VPS13D: variants seen among roughly 807,000 people sequenced by gnomAD.
VPS13D encodes intermembrane lipid transfer protein VPS13D.
In VPS13D, 187 loss-of-function variants were observed where a neutral mutation model predicts 461.9. The ratio of observed to expected loss-of-function variants is 0.40; its 90% CI spans 0.36 to 0.46. VPS13D has a LOEUF of 0.46. Among genes scored for constraint, VPS13D ranks in the 20% least tolerant of loss-of-function variants. The pLI is 0.60. For missense variants in VPS13D, 4,711 were observed against 5,364.9 expected (o/e 0.88, Z 3.81); for synonymous variants, 1,951 against 1,986.3 (o/e 0.98, Z 0.47).
intron 67 of VPS13D, among the ~76,000 whole-genome samples, chr1:12,492,688 G>A (rs190289057): frequency 6.6e-6 from 1 of 152,318 alleles, no homozygotes; most frequent in Non-Finnish European, 1.5e-5. Flanking sequence ...GTACAGGAAT[G>A]TTCATAATAG....
Position 12,299,137 on chromosome 1 carries a change from A to T in VPS13D, c.6034-65A>T. 3.4e-6 allele frequency: 5 copies of T among 1,465,240 alleles called. No homozygotes were observed. Among genetic ancestry groups the T allele is most frequent in the Non-Finnish European group, 4.5e-6 (5 of 1,099,232 alleles). 90.8% of individuals were successfully genotyped at this position (1,465,240 alleles called of 1,614,324 possible). A position where few individuals can be genotyped will look rare whatever the true frequency, so the allele number is the denominator to read the frequency against. On this transcript the variant is annotated intron_variant, in intron 24 of 69. Transcript: ENST00000620676. The surrounding 1 kb of genome is among the most constrained non-coding windows in gnomAD (Gnocchi z 4.2). ...AACTCACGAAACTTTTGGGAACCTG[A>T]GGTTATTTGGTGGTAAAATTAGGGA... is the stretch of plus-strand genomic sequence containing the variant.
At chr1:12,375,513 C>T (rs1400049062) in intron 55 of VPS13D, among the ~76,000 whole-genome samples, 1 of 152,146 alleles carries the variant, frequency 6.6e-6, no homozygotes, top group Non-Finnish European at 1.5e-5. Context: ...TTTGTACTTC[C>T]CTTGTCCAGC....
chr1:12,489,443 A>G (rs972889112), intron 67 of VPS13D, among the ~76,000 whole-genome samples: 4 of 152,268 alleles, frequency 2.6e-5, no homozygotes, highest in African/African-American at 9.6e-5. Context: ...TGATTTCTTG[A>G]ATCAACATCT....
chr1:12,233,853 G>A (rs921217923), intron 1 of VPS13D, among the ~76,000 whole-genome samples: 14 of 152,024 alleles, frequency 9.2e-5, no homozygotes, highest in African/African-American at 3.1e-4. Flanking sequence ...TTTGGGACAG[G>A]CTGGTCAACA....
intron 66 of VPS13D, among the ~76,000 whole-genome samples, chr1:12,458,940 T>C (rs922053336): frequency 7.2e-5 from 11 of 152,238 alleles, no homozygotes; most frequent in African/African-American, 2.4e-4. Flanking sequence ...ACTGACTCCA[T>C]TGAGGGTCCC....
chr1:12,399,105 G>A (rs1396489899), intron 60 of VPS13D, among the ~76,000 whole-genome samples: 2 of 152,192 alleles, frequency 1.3e-5, no homozygotes, highest in East Asian at 1.9e-4. Context: ...ATGGAGCTTC[G>A]CACATAGTAT....
intron 65 of VPS13D, among the ~76,000 whole-genome samples, chr1:12,447,035 G>A (rs902237306): frequency 6.6e-6 from 1 of 152,194 alleles, no homozygotes; most frequent in Non-Finnish European, 1.5e-5. Context: ...TGGGCCAGGT[G>A]TCTGAGTTAC....
In VPS13D at chr1:12,275,960, C is replaced by G; in HGVS notation, c.2372C>G (p.Thr791Arg). The stretch of plus-strand genomic sequence containing the variant: ...TCAAGCAGCAGCAACGGAGAGAAAA[C>G]ACCTCCCTTTTCTGGAGTTGAGTTC... ...PESSSSNGEK[T>R]PPFSGVEFSE... is the part of the protein sequence containing the mutation. Residue 791 changes from threonine (T) to arginine (R), a missense_variant, in exon 19 of 70, where the codon ACA becomes AGA. Transcript: ENST00000620676. The G allele has an allele frequency of 1.2e-6, 2 of 1,614,000 alleles. No individual in the cohort carries two copies. Among genetic ancestry groups the G allele is most frequent in the East Asian group, 4.5e-5 (2 of 44,832 alleles).
At chr1:12,253,438 G>A (rs891282609) in intron 6 of VPS13D, among the ~76,000 whole-genome samples, 19 of 152,086 alleles carry the variant, frequency 1.2e-4, no homozygotes, top group African/African-American at 3.4e-4. Context: ...TATATCTTTC[G>A]ACACTCATTT....
intron 67 of VPS13D, chr1:12,478,563 G>A (rs921393993): frequency 4.9e-5 from 17 of 344,180 alleles, no homozygotes; most frequent in African/African-American, 3.6e-4. Flanking sequence ...CACACTGCAT[G>A]TAATAGAACC....
In VPS13D at chr1:12,373,811, G is replaced by A. The variant is rs1644159489; in HGVS notation, c.10870G>A (p.Val3624Ile). The change falls in exon 55 of 70, where the codon GTT becomes ATT. Residue 3624 changes from valine to isoleucine, a missense_variant. Physicochemically the swap from Val to Ile is conservative, Grantham distance 29. Coordinates refer to ENST00000620676, the MANE Select transcript of VPS13D (RefSeq NM_015378.4). The part of the protein sequence containing the change: ...SNKAITCAEL[V>I]LDVSPKTQRV... ...CAAGGCCATTACCTGTGCGGAGCTC[G>A]TTTTGGATGTCTCACCCAAGACACA... The A allele has an allele frequency of 6.2e-6, 10 of 1,605,942 alleles. No individual in the cohort carries two copies. The highest frequency in any genetic ancestry group is 1.1e-5 in the South Asian group (1 of 90,524).
At chr1:12,411,473 A>G (rs538529463) in intron 63 of VPS13D, among the ~76,000 whole-genome samples, 2 of 147,508 alleles carry the variant, frequency 1.4e-5, no homozygotes, top group Non-Finnish European at 3.0e-5. Context: ...TCTCTACAAA[A>G]ATGGAAGGAA....
At position 12,505,398 on chromosome 1, in the gene VPS13D, T is replaced by C. The variant is rs539337809; in HGVS notation, c.12795-1455T>C. Among the ~76,000 whole-genome samples the C allele has an allele frequency of 1.3e-5, 2 of 152,256 alleles. No individual in the cohort carries two copies. Among genetic ancestry groups the C allele is most frequent in the Non-Finnish European group, 2.9e-5 (2 of 68,048 alleles). On this transcript the variant is annotated intron_variant, in intron 68 of 69. Transcript: ENST00000620676. This position sits in a 1 kb window ranked among gnomAD's most constrained non-coding sequence, Gnocchi z 4.2. The stretch of plus-strand genomic sequence containing the variant: ...GCCTAAACACTGAAGGCTGCGGGTC[T>C]TTCTAATTTCAGCATTGAGACTTTA...
chr1:12,233,298 C>T (rs1640042181), intron 1 of VPS13D, among the ~76,000 whole-genome samples: 1 of 152,100 alleles, frequency 6.6e-6, no homozygotes, highest in Non-Finnish European at 1.5e-5. Context: ...GAGCCACCAC[C>T]CCCGGCCTCT....
At chr1:12,281,846 C>T (rs1388362415) in intron 20 of VPS13D, among the ~76,000 whole-genome samples, 1 of 151,862 alleles carries the variant, frequency 6.6e-6, no homozygotes, top group Non-Finnish European at 1.5e-5. Context: ...TGGAATTCTT[C>T]TGTTAAAAAT....
At chr1:12,360,596 G>A (rs573834069) in intron 50 of VPS13D, among the ~76,000 whole-genome samples, 1 of 152,094 alleles carries the variant, frequency 6.6e-6, no homozygotes, top group Non-Finnish European at 1.5e-5. Flanking sequence ...CTTTTTATTA[G>A]ATATCACCTA....
At chr1:12,290,854 T>C (rs540447495) in intron 22 of VPS13D, 144 bp from the exon 23 acceptor site, 76 of 656,988 alleles carry the variant, frequency 1.2e-4, no homozygotes, top group Non-Finnish European at 1.6e-4. Flanking sequence ...TTGGGGTATA[T>C]TGGAATATGA....
chr1:12,333,476 A>C, intron 38 of VPS13D, 110 bp downstream of exon 38: 3 of 1,351,208 alleles, frequency 2.2e-6, no homozygotes, highest in Non-Finnish European at 3.0e-6. Flanking sequence ...ACCAGGCATC[A>C]CTTCTTCATC....
At chr1:12,503,025 G>A (rs1002316390) in intron 68 of VPS13D, among the ~76,000 whole-genome samples, 5 of 152,204 alleles carry the variant, frequency 3.3e-5, no homozygotes, top group African/African-American at 4.8e-5. Flanking sequence ...CTCCCCTGGC[G>A]AGGCTGCAGT....
Sources: allele counts gnomAD v4.1 joint callset (sites outside exome capture counted in the v4.1 genomes callset), GRCh38; gene constraint gnomAD v4.1.1; non-coding constraint Gnocchi (gnomAD v3.1); transcripts MANE v1.5; gene names NCBI Gene and HGNC (gene_info 2026-07-23, HGNC 2026-07-21).